FYCO1: variants seen among roughly 807,000 people sequenced by gnomAD.
FYCO1 encodes FYVE and coiled-coil domain-containing protein 1.
FYCO1 carries 122 observed loss-of-function variants against 165.1 expected under a neutral mutation model. The ratio of observed to expected loss-of-function variants is 0.74; its 90% CI spans 0.64 to 0.86. The LOEUF (loss-of-function observed/expected upper bound fraction) is 0.86. Among genes scored for constraint, FYCO1 ranks in the 40% least tolerant of loss-of-function variants. The probability of loss-of-function intolerance (pLI) is 0.00; values close to 1 mark genes in which losing one functional copy is unlikely to be tolerated. For missense variants in FYCO1, 1,702 were observed against 1,810.3 expected, an observed-to-expected ratio of 0.94 and a Z score of 1.09; for synonymous variants, 648 against 742.5, an observed-to-expected ratio of 0.87 and a Z score of 2.07.
intron 2 of FYCO1, among the ~76,000 whole-genome samples, chr3:45,983,124 C>G (rs181223806): frequency 8.5e-5 from 13 of 152,334 alleles, no homozygotes; most frequent in Admixed American, 3.9e-4. Context: ...GTGTTATCAT[C>G]AAACCCACCT....
intron 14 of FYCO1, among the ~76,000 whole-genome samples, chr3:45,942,538 C>A (rs751938639): frequency 9.9e-5 from 15 of 152,192 alleles, no homozygotes; most frequent in Non-Finnish European, 1.9e-4. Context: ...GGCCAGGCAC[C>A]TCCACAAGAA....
chr3:45,976,490 G>C (rs578180497), intron 4 of FYCO1, among the ~76,000 whole-genome samples: 6 of 152,298 alleles, frequency 3.9e-5, no homozygotes, highest in Admixed American at 1.3e-4. Context: ...AAAACCTCCT[G>C]ACCTACCACA....
At chr3:45,977,355 ATATATATATATATATATATAT>A (rs1706812523) in intron 4 of FYCO1, among the ~76,000 whole-genome samples, 2 of 2,762 alleles carry the variant, frequency 7.2e-4, no homozygotes, top group Non-Finnish European at 2.2e-3. Flanking sequence ...AATTAAATAT[ATATATATATATATATATATAT>A]ATATATATAT....
Position 45,980,624 on chromosome 3 carries a change from G to A in FYCO1, c.163-794C>T, listed in dbSNP as rs1706996413. Among the ~76,000 whole-genome samples, 7 of 152,312 alleles carry A rather than the reference G, an allele frequency of 4.6e-5. 1 individual carries two copies. The South Asian group carries it at 1.4e-3, about 32-fold the overall frequency. ...AACCAGCTGAAATGTCATGAGAGAGGCAAGCCCTTCAGCACGTTAGGGGCC... is the reference window on the plus strand; with the variant it reads ...AACCAGCTGAAATGTCATGAGAGAGACAAGCCCTTCAGCACGTTAGGGGCC... On this transcript the variant is annotated intron_variant, in intron 3 of 17. Transcript: ENST00000296137.
At chr3:45,994,814 C>A (rs1229305939) in intron 1 of FYCO1, among the ~76,000 whole-genome samples, 1 of 152,096 alleles carries the variant, frequency 6.6e-6, no homozygotes, top group South Asian at 2.1e-4. Flanking sequence ...ATTTCTCTGT[C>A]GGGAAAGGAA....
rs746712194 is a variant in FYCO1, at chr3:45,966,756, C to T, written c.2578G>A (p.Ala860Thr). ...TCCTCCCTCTGCTGGGCCTCATCGGCCCTCTCCTCCTGCAGTGCCCCTTCA... is the reference window on the plus strand; with the variant it reads ...TCCTCCCTCTGCTGGGCCTCATCGGTCCTCTCCTCCTGCAGTGCCCCTTCA... Reference protein sequence around the residue: ...EREGALQEERADEAQQREEEL... With the variant: ...EREGALQEERTDEAQQREEEL... The change falls in exon 8 of 18, where the codon GCC becomes ACC. Residue 860 changes from alanine (A) to threonine (T), a missense_variant. Transcript: ENST00000296137. 1 of 1,610,680 alleles carries T rather than the reference C, an allele frequency of 6.2e-7. No homozygotes were observed. The highest frequency in any genetic ancestry group is 1.7e-5 in the Admixed American group (1 of 60,026).
chr3:45,930,182 C>T (rs1222991195), intron 16 of FYCO1, among the ~76,000 whole-genome samples: 2 of 152,240 alleles, frequency 1.3e-5, no homozygotes, highest in African/African-American at 2.4e-5. Context: ...CCAGCAGGCC[C>T]AACGGCTTTT....
Position 45,919,105 on chromosome 3 carries a change from G to C in FYCO1, c.*2660C>G, listed in dbSNP as rs1703008747. The C allele has an allele frequency of 6.7e-6, 1 of 149,944 alleles. No individual in the cohort carries two copies. Among genetic ancestry groups the C allele is most frequent in the South Asian group, 2.1e-4 (1 of 4,772 alleles). 9.3% of individuals were successfully genotyped at this position (149,944 alleles called of 1,614,324 possible). Reference sequence around the variant, plus strand: ...AAAAAAGAGTGATCTGGGATCCCAAGGACGCTTCCTTCTGGCTGATTTCTA... The same window carrying C: ...AAAAAAGAGTGATCTGGGATCCCAACGACGCTTCCTTCTGGCTGATTTCTA... On this transcript the variant is annotated 3_prime_UTR_variant, in exon 18 of 18. Coordinates refer to ENST00000296137, the MANE Select transcript of FYCO1 (RefSeq NM_024513.4).
intron 14 of FYCO1, among the ~76,000 whole-genome samples, chr3:45,942,933 G>A (rs1030003207): frequency 1.7e-4 from 26 of 152,196 alleles, no homozygotes; most frequent in Non-Finnish European, 3.1e-4. Context: ...ACAGATACCT[G>A]AGTGTGTATC....
Position 45,936,555 on chromosome 3 carries a change from CA to C in FYCO1, c.3945-13del. 6.4e-7 allele frequency: 1 copy of C among 1,566,702 alleles called. No individual in the cohort carries two copies. The highest frequency in any genetic ancestry group is 1.7e-5 in the Admixed American group (1 of 59,972). On this transcript the variant is annotated splice_polypyrimidine_tract_variant and intron_variant, in intron 14 of 17. Coordinates refer to ENST00000296137, the MANE Select transcript of FYCO1 (RefSeq NM_024513.4). ...TTGATGTAGTATCCCTGAAATGTCA[CA>C]AATGAGAACACAGTCATTTAGCTAT...
At chr3:45,986,410 T>C (rs980389997) in intron 1 of FYCO1, among the ~76,000 whole-genome samples, 6 of 152,154 alleles carry the variant, frequency 3.9e-5, no homozygotes, top group Non-Finnish European at 8.8e-5. Flanking sequence ...GATCCTGGCA[T>C]GGAAACCACC....
chr3:45,966,776 CCT>C lies in FYCO1; in HGVS notation c.2556_2557del (p.Ala854ThrfsTer8), dbSNP rs745621596. ...ATCGGCCCTCTCCTCCTGCAGTGCC[CCT>C]TCACGCTCCGAGCATTGCAGCAGCT... On this transcript the variant is annotated frameshift_variant, in exon 8 of 18. Transcript: ENST00000296137. LOFTEE classifies it high-confidence loss of function. 1.9e-6 allele frequency: 3 copies of C among 1,609,892 alleles called. No individual in the cohort carries two copies. The highest frequency in any genetic ancestry group is 1.7e-6 in the Non-Finnish European group (2 of 1,180,002).
Position 45,967,000 on chromosome 3 carries a change from C to T in FYCO1, c.2334G>A (p.Leu778=), listed in dbSNP as rs369350326. Residue 778 remains leucine, a synonymous_variant, in exon 8 of 18, where the codon CTG becomes CTA. Coordinates refer to ENST00000296137, the MANE Select transcript of FYCO1 (RefSeq NM_024513.4). The part of the protein sequence containing the change: ...AAQLALSQAQ[L]EVHQGEVQRL... ...GTTGGACCTCCCCCTGATGGACTTC[C>T]AGCTGCGCCTGAGACAGGGCTAGCT... The T allele has an allele frequency of 1.3e-5, 21 of 1,613,140 alleles. No homozygotes were observed. The East Asian group carries it at 1.3e-4, about 10-fold the overall frequency.
At chr3:45,979,051 G>A (rs896651438) in intron 4 of FYCO1, among the ~76,000 whole-genome samples, 4 of 151,886 alleles carry the variant, frequency 2.6e-5, no homozygotes, top group Admixed American at 6.6e-5. Flanking sequence ...TAGTAGAGAC[G>A]GGGTTTCACT....
chr3:45,965,010 AG>A (rs1705918111), intron 9 of FYCO1, 22 bp downstream of exon 9: 1 of 1,599,070 alleles, frequency 6.3e-7, no homozygotes, highest in Non-Finnish European at 8.6e-7. Context: ...TCTCCCTGAC[AG>A]GTCTACACTA....
chr3:45,949,957 G>A (rs9835366), intron 14 of FYCO1, among the ~76,000 whole-genome samples: 5,120 of 152,210 alleles, frequency 0.034, 302 homozygotes, highest in African/African-American at 0.11. Flanking sequence ...GAATAAACGC[G>A]GGCACAGCAC....
intron 14 of FYCO1, chr3:45,947,571 A>G: frequency 7.6e-7 from 1 of 1,309,034 alleles, no homozygotes; most frequent in Non-Finnish European, 1.1e-6. Flanking sequence ...TGCCCTCTTG[A>G]TGTGGTGAGG....
chr3:45,960,620 GT>G (rs1367158705), intron 11 of FYCO1, among the ~76,000 whole-genome samples: 1 of 152,208 alleles, frequency 6.6e-6, no homozygotes, highest in Non-Finnish European at 1.5e-5. Context: ...AGAAGGCAGA[GT>G]TTTTAAACTT....
At chr3:45,929,148 G>A (rs945591385) in intron 16 of FYCO1, among the ~76,000 whole-genome samples, 1 of 152,244 alleles carries the variant, frequency 6.6e-6, no homozygotes, top group African/African-American at 2.4e-5. Flanking sequence ...CTCAGGCAGA[G>A]ATAACAGCCA....
Sources: allele counts gnomAD v4.1 joint callset (sites outside exome capture counted in the v4.1 genomes callset), GRCh38; gene constraint gnomAD v4.1.1; transcripts MANE v1.5; gene names NCBI Gene and HGNC (gene_info 2026-07-23, HGNC 2026-07-21).